CFAP299: variants seen among roughly 807,000 people sequenced by gnomAD.
The protein encoded by CFAP299 is cilia and flagella associated protein 299, also known as cilia- and flagella-associated protein 299.
Under a neutral mutation model 27.0 loss-of-function variants are expected in CFAP299, and 21 were observed. The ratio of observed to expected loss-of-function variants is 0.78; its 90% CI spans 0.55 to 1.12. The LOEUF is 1.12. Ranked by LOEUF, CFAP299 falls within the 50% of genes most tolerant of loss-of-function variation. The pLI, the probability that CFAP299 is intolerant of heterozygous loss-of-function variation, is 0.00. For synonymous variants in CFAP299, 104 were observed against 98.1 expected, an observed-to-expected ratio of 1.06 and a Z score of -0.36; for missense variants, 310 against 276.6, an observed-to-expected ratio of 1.12 and a Z score of -0.86.
At chr4:80,357,293 G>A (rs1055080426) in intron 1 of CFAP299, among the ~76,000 whole-genome samples, 1 of 152,120 alleles carries the variant, frequency 6.6e-6, no homozygotes, top group Non-Finnish European at 1.5e-5. Flanking sequence ...TTTGCCTGAA[G>A]TTTTCTTTTA....
At chr4:80,638,796 G>A (rs1215325117) in intron 3 of CFAP299, among the ~76,000 whole-genome samples, 1 of 152,138 alleles carries the variant, frequency 6.6e-6, no homozygotes, top group Non-Finnish European at 1.5e-5. Context: ...ATATTTTAGG[G>A]CACTCAATAT....
At chr4:80,912,808 C>A (rs1309959887) in intron 4 of CFAP299, among the ~76,000 whole-genome samples, 1 of 152,128 alleles carries the variant, frequency 6.6e-6, no homozygotes, top group East Asian at 1.9e-4. Context: ...CCAGGCTACC[C>A]TCCTGAAATG....
At chr4:80,521,596 C>T (rs1732915012) in intron 2 of CFAP299, among the ~76,000 whole-genome samples, 1 of 151,930 alleles carries the variant, frequency 6.6e-6, no homozygotes, top group Non-Finnish European at 1.5e-5. Flanking sequence ...AAACTATTCC[C>T]ATTGACAACA....
chr4:80,433,994 G>C (rs115591103), intron 2 of CFAP299, among the ~76,000 whole-genome samples: 1,843 of 152,200 alleles, frequency 0.012, 20 homozygotes, highest in Non-Finnish European at 0.018. Flanking sequence ...TAATTGGTCA[G>C]TTCATTCTTT....
intron 3 of CFAP299, among the ~76,000 whole-genome samples, chr4:80,806,744 A>G (rs1046755001): frequency 2.6e-5 from 4 of 152,210 alleles, no homozygotes; most frequent in African/African-American, 9.6e-5. Flanking sequence ...TGCTGGTGAA[A>G]GTGGCAGCCT....
upstream of CFAP299, among the ~76,000 whole-genome samples, chr4:80,331,519 A>G (rs528725124): frequency 1.5e-4 from 23 of 152,182 alleles, no homozygotes; most frequent in Non-Finnish European, 1.5e-4. Flanking sequence ...ACCCATGTCA[A>G]TTAGGTTGGA....
intron 2 of CFAP299, among the ~76,000 whole-genome samples, chr4:80,573,170 G>T (rs2109857051): frequency 6.6e-6 from 1 of 152,160 alleles, no homozygotes. Flanking sequence ...CATTTTAACT[G>T]GAATGAGATG....
intron 4 of CFAP299, among the ~76,000 whole-genome samples, chr4:80,884,624 A>G (rs974395109): frequency 1.4e-5 from 2 of 141,804 alleles, no homozygotes; most frequent in Non-Finnish European, 3.0e-5. Context: ...ATTATAAAAT[A>G]ATAAAAATAA....
chr4:80,722,502 C>CTCTTAGTG (rs1722886428), intron 3 of CFAP299, among the ~76,000 whole-genome samples: 1 of 151,758 alleles, frequency 6.6e-6, no homozygotes, highest in Non-Finnish European at 1.5e-5. Context: ...TCAAAAGACA[C>CTCTTAGTG]TCTTAGTAGA....
At chr4:80,382,417 A>G (rs1724748612) in intron 2 of CFAP299, among the ~76,000 whole-genome samples, 1 of 152,222 alleles carries the variant, frequency 6.6e-6, no homozygotes, top group South Asian at 2.1e-4. Flanking sequence ...ACAGAATTGG[A>G]GAAAATTTTT....
At chr4:80,379,972 C>T (rs1349790436) in intron 2 of CFAP299, among the ~76,000 whole-genome samples, 1 of 152,088 alleles carries the variant, frequency 6.6e-6, no homozygotes, top group African/African-American at 2.4e-5. Context: ...TTCCTGTCTA[C>T]TTATTCTAGC....
intron 3 of CFAP299, among the ~76,000 whole-genome samples, chr4:80,723,082 A>G (rs1449944995): frequency 6.6e-6 from 1 of 152,168 alleles, no homozygotes; most frequent in Non-Finnish European, 1.5e-5. Context: ...GTCTAAAATA[A>G]ACAAACCTGA....
intron 3 of CFAP299, among the ~76,000 whole-genome samples, chr4:80,843,607 G>T (rs532689795): frequency 6.6e-6 from 1 of 152,144 alleles, no homozygotes; most frequent in South Asian, 2.1e-4. Context: ...TAACGGGGTG[G>T]CTGGGTCAAA....
rs1390541428 is a variant in CFAP299 at position 80,888,940 on chromosome 4, G to A, written c.476+18805G>A. On this transcript the variant is annotated intron_variant, in intron 4 of 5. Transcript: ENST00000358105. ...TTGAAACAAATAATAATGGAAACACGACATGCCAAAACCTGTGGGATACAG... is the reference window on the plus strand; with the variant it reads ...TTGAAACAAATAATAATGGAAACACAACATGCCAAAACCTGTGGGATACAG... Among the ~76,000 whole-genome samples, 5 of 131,154 alleles carry A rather than the reference G, an allele frequency of 3.8e-5. No individual in the cohort carries two copies. In the East Asian group the frequency reaches 7.1e-4, roughly 19 times the overall value. The allele number at this position is 131,154 out of a possible 152,430, so 86.0% of individuals were successfully genotyped here.
intron 3 of CFAP299, among the ~76,000 whole-genome samples, chr4:80,810,754 C>T (rs1277298691): frequency 1.3e-5 from 2 of 152,096 alleles, no homozygotes; most frequent in Non-Finnish European, 2.9e-5. Flanking sequence ...CTAAACCACA[C>T]AGTTTGTGGT....
chr4:80,625,439 A>G (rs1304803632), intron 3 of CFAP299, among the ~76,000 whole-genome samples: 1 of 152,032 alleles, frequency 6.6e-6, no homozygotes, highest in Non-Finnish European at 1.5e-5. Context: ...ACTTAGCTAT[A>G]AAAGAAGACA....
chr4:80,430,676 T>G (rs1456638247), intron 2 of CFAP299, among the ~76,000 whole-genome samples: 1 of 152,188 alleles, frequency 6.6e-6, no homozygotes, highest in East Asian at 1.9e-4. Flanking sequence ...TCCTCTTGAC[T>G]ATCTAGTACA....
chr4:80,346,076 T>A (rs2109976705), intron 1 of CFAP299, among the ~76,000 whole-genome samples: 1 of 152,384 alleles, frequency 6.6e-6, no homozygotes, highest in Non-Finnish European at 1.5e-5. Flanking sequence ...TGTCTTCTTT[T>A]GAGAAGTGTC....
chr4:80,773,719 C>T (rs984025439), intron 3 of CFAP299, among the ~76,000 whole-genome samples: 5 of 151,902 alleles, frequency 3.3e-5, no homozygotes, highest in African/African-American at 4.8e-5. Context: ...ATCCATTTCA[C>T]TTGATGTTTG....
Sources: allele counts gnomAD v4.1 joint callset (sites outside exome capture counted in the v4.1 genomes callset), GRCh38; gene constraint gnomAD v4.1.1; transcripts MANE v1.5; gene names NCBI Gene and HGNC (gene_info 2026-07-23, HGNC 2026-07-21).